DRAXIN: variants seen among roughly 807,000 people sequenced by gnomAD.
DRAXIN encodes the protein dorsal inhibitory axon guidance protein.
Under a neutral mutation model 33.9 loss-of-function variants are expected in DRAXIN, and 27 were observed. That is an observed-to-expected ratio of 0.80 (90% CI 0.59 to 1.10). DRAXIN has a LOEUF of 1.10. Among genes scored for constraint, DRAXIN ranks in the 50% least tolerant of loss-of-function variants. DRAXIN has a pLI of 0.00. For missense variants in DRAXIN, 371 were observed against 460.8 expected (o/e 0.81, Z 1.78); for synonymous variants, 178 against 194.0 (o/e 0.92, Z 0.69).
At position 11,712,318 on chromosome 1, in the gene DRAXIN, C is replaced by T. The variant is rs535901872; in HGVS notation, c.758-22C>T. On this transcript the variant is annotated intron_variant, in intron 4 of 6. Transcript: ENST00000294485. ...TGCTCTGCTGGGCCCCAGCTTCTGA[C>T]GACAGATCTTCTTATCCCCAGAGAA... is the stretch of plus-strand genomic sequence containing the variant. 254 of 1,613,608 alleles carry T rather than the reference C, an allele frequency of 1.6e-4. 1 individual carries two copies. In the South Asian group the frequency reaches 2.7e-3, roughly 17 times the overall value.
chr1:11,717,176 G>A (rs1302732038), intron 6 of DRAXIN, among the ~76,000 whole-genome samples: 3 of 151,672 alleles, frequency 2.0e-5, no homozygotes, highest in African/African-American at 4.8e-5. Flanking sequence ...CCAGCTACTC[G>A]GGAGCCTGAG....
At chr1:11,697,380 A>T (rs1641209374) in intron 1 of DRAXIN, among the ~76,000 whole-genome samples, 1 of 152,258 alleles carries the variant, frequency 6.6e-6, no homozygotes, top group Non-Finnish European at 1.5e-5. Flanking sequence ...GACCCTCCCA[A>T]GGCCAGAGTT....
At chr1:11,709,656 G>T (rs1641445837) in intron 3 of DRAXIN, among the ~76,000 whole-genome samples, 191 bp downstream of exon 3, 1 of 152,174 alleles carries the variant, frequency 6.6e-6, no homozygotes, top group Non-Finnish European at 1.5e-5. Flanking sequence ...TCCTGACAAG[G>T]GTCTGCCACT....
intron 6 of DRAXIN, among the ~76,000 whole-genome samples, chr1:11,719,250 T>C (rs115368556): frequency 0.01 from 1,526 of 152,316 alleles, 25 homozygotes; most frequent in African/African-American, 0.034. Context: ...GATGTATTAT[T>C]ATTACTAACT....
rs745943924 is a variant in DRAXIN, at chr1:11,715,212, G to A, written c.937+4G>A. On this transcript the variant is annotated splice_donor_region_variant and intron_variant, in intron 6 of 6. Transcript: ENST00000294485. ...GATGACTGCATGTGTGTGGAAGGTGGGTCCAGACTCCTTTGCGGGGGGCTA... is the reference window on the plus strand; with the variant it reads ...GATGACTGCATGTGTGTGGAAGGTGAGTCCAGACTCCTTTGCGGGGGGCTA... The A allele has an allele frequency of 1.1e-5, 17 of 1,614,112 alleles. No homozygotes were observed. The Admixed American group carries it at 2.2e-4, about 21-fold the overall frequency.
intron 6 of DRAXIN, among the ~76,000 whole-genome samples, chr1:11,717,974 C>T (rs1285541507): frequency 1.5e-5 from 2 of 130,616 alleles, no homozygotes; most frequent in Non-Finnish European, 3.1e-5. Context: ...GCACTCCAGT[C>T]CAGGCAACAG....
At position 11,706,499 on chromosome 1, in the gene DRAXIN, G is replaced by C; in HGVS notation, c.241G>C (p.Val81Leu). ...LPSQAQDGAV[V>L]TATRQASRLP... ...CAGCCAGGCCCAGGATGGGGCTGTG[G>C]TCACCGCCACCAGGCAGGCCTCCAG... Residue 81 changes from valine to leucine, a missense_variant, in exon 2 of 7, where the codon GTC becomes CTC. Val to Leu is a conservative substitution (Grantham distance 32, BLOSUM62 1). Transcript: ENST00000294485. The surrounding 1 kb of genome is among the most constrained non-coding windows in gnomAD (Gnocchi z 5.5). The C allele has an allele frequency of 6.2e-7, 1 of 1,611,612 alleles. No individual in the cohort carries two copies. The highest frequency in any genetic ancestry group is 1.1e-5 in the South Asian group (1 of 90,918).
chr1:11,711,864 G>A lies in DRAXIN; in HGVS notation c.656G>A (p.Arg219Lys). 6.2e-7 allele frequency: 1 copy of A among 1,613,276 alleles called. No homozygotes were observed. The highest frequency in any genetic ancestry group is 8.5e-7 in the Non-Finnish European group (1 of 1,179,638). ...TSLRPQQAQP[R>K]SDGEVMPTLD... is the part of the protein sequence containing the mutation. Reference sequence around the variant, plus strand: ...CACGGTCTCCAGCAGGCACAGCCCAGGTCTGACGGGGAGGTGATGCCCACG... The same window carrying A: ...CACGGTCTCCAGCAGGCACAGCCCAAGTCTGACGGGGAGGTGATGCCCACG... Residue 219 changes from arginine (R) to lysine (K), a missense_variant, in exon 4 of 7, where the codon AGG becomes AAG. Arg to Lys is a conservative substitution (Grantham distance 26, BLOSUM62 2). Coordinates refer to ENST00000294485, the MANE Select transcript of DRAXIN (RefSeq NM_198545.4).
chr1:11,688,712 C>T (rs1006902993), upstream of DRAXIN, among the ~76,000 whole-genome samples: 5 of 152,190 alleles, frequency 3.3e-5, no homozygotes, highest in African/African-American at 1.2e-4. The surrounding 1 kb of genome is among the most constrained non-coding windows in gnomAD (Gnocchi z 4.6). Context: ...CAGAGCAACC[C>T]CATCTTGAGT....
At chr1:11,711,691 G>T (rs191691925) in intron 3 of DRAXIN, among the ~76,000 whole-genome samples, 160 bp from the exon 4 acceptor site, 15 of 152,294 alleles carry the variant, frequency 9.8e-5, no homozygotes, top group African/African-American at 3.6e-4. Flanking sequence ...AGGAGCCTCC[G>T]GCAGCCATCT....
rs1448788206 is a variant in DRAXIN at position 11,692,876 on chromosome 1, C to G, written c.-11+1023C>G. On this transcript the variant is annotated intron_variant, in intron 1 of 6. Coordinates refer to ENST00000294485, the MANE Select transcript of DRAXIN (RefSeq NM_198545.4). This position sits in a 1 kb window ranked among gnomAD's most constrained non-coding sequence, Gnocchi z 5.8. ...GTCACAAAACAGGGATGGTGCTAGT[C>G]CCTACCTATAGGGATGTGTGTGGAA... 3.3e-5 allele frequency among the ~76,000 whole-genome samples: 5 copies of G among 152,026 alleles called. No individual in the cohort carries two copies. Among genetic ancestry groups the G allele is most frequent in the African/African-American group, 1.2e-4 (5 of 41,384 alleles).
rs912952674 is a variant in DRAXIN at position 11,704,623 on chromosome 1, G to T, written c.-10-1626G>T. On this transcript the variant is annotated intron_variant, in intron 1 of 6. Transcript: ENST00000294485. The surrounding 1 kb of genome is among the most constrained non-coding windows in gnomAD (Gnocchi z 4.6). Reference sequence around the variant, plus strand: ...CCAGGACAGTAGCAGGGACTGTGGTGCAGGGTCTGTGGCCTTAGGAATGGA... The same window carrying T: ...CCAGGACAGTAGCAGGGACTGTGGTTCAGGGTCTGTGGCCTTAGGAATGGA... 2.0e-5 allele frequency among the ~76,000 whole-genome samples: 3 copies of T among 152,206 alleles called. No homozygotes were observed. The highest frequency in any genetic ancestry group is 1.9e-4 in the East Asian group (1 of 5,200).
At position 11,692,609 on chromosome 1, in the gene DRAXIN, A is replaced by G. The variant is rs1490173073; in HGVS notation, c.-11+756A>G. On this transcript the variant is annotated intron_variant, in intron 1 of 6. Transcript: ENST00000294485. This position sits in a 1 kb window ranked among gnomAD's most constrained non-coding sequence, Gnocchi z 5.8. Reference sequence around the variant, plus strand: ...CTTCGGGGCCGGGGTATGAGATGAGAGAGGGCTGGGGTTTCCCGCCAAGTC... The same window carrying G: ...CTTCGGGGCCGGGGTATGAGATGAGGGAGGGCTGGGGTTTCCCGCCAAGTC... Among the ~76,000 whole-genome samples the G allele has an allele frequency of 6.6e-6, 1 of 152,082 alleles. No individual in the cohort carries two copies. The highest frequency in any genetic ancestry group is 1.5e-5 in the Non-Finnish European group (1 of 67,992).
chr1:11,709,092 C>G (rs1178140805), intron 2 of DRAXIN, among the ~76,000 whole-genome samples, 183 bp from the exon 3 acceptor site: 1 of 152,238 alleles, frequency 6.6e-6, no homozygotes, highest in Non-Finnish European at 1.5e-5. Context: ...AAGACATTTT[C>G]CTCCGAGTTC....
At chr1:11,710,682 A>C (rs1199185127) in intron 3 of DRAXIN, among the ~76,000 whole-genome samples, 1 of 149,498 alleles carries the variant, frequency 6.7e-6, no homozygotes, top group Non-Finnish European at 1.5e-5. Flanking sequence ...TGGGAGGCCA[A>C]GGCGGGCAGA....
At chr1:11,701,621 C>T (rs1641275131) in intron 1 of DRAXIN, among the ~76,000 whole-genome samples, 1 of 152,342 alleles carries the variant, frequency 6.6e-6, no homozygotes, top group East Asian at 1.9e-4. Flanking sequence ...CCCTCAGCAA[C>T]TCTGGTCCAG....
intron 1 of DRAXIN, among the ~76,000 whole-genome samples, chr1:11,693,901 C>A (rs2038131): frequency 0.24 from 35,785 of 152,086 alleles, 4,471 homozygotes; most frequent in East Asian, 0.37. Context: ...CTAGCCCTGT[C>A]CTGCCTGCCT....
In DRAXIN at chr1:11,724,871, CTG is replaced by C. The variant is rs1641716197; in HGVS notation, c.*5183_*5184del. ...TCTTCACTCTGACAGGCAATGGTGA[CTG>C]TGTGTGTTTCCTGGGGAGGAGGTTA... On this transcript the variant is annotated 3_prime_UTR_variant, in exon 7 of 7. Transcript: ENST00000294485. The C allele has an allele frequency of 1.3e-5, 2 of 152,234 alleles. No individual in the cohort carries two copies. Among genetic ancestry groups the C allele is most frequent in the African/African-American group, 4.8e-5 (2 of 41,426 alleles). The allele number at this position is 152,234 out of a possible 1,614,324, so 9.4% of individuals were successfully genotyped here.
chr1:11,716,125 T>C (rs1168248428), intron 6 of DRAXIN, among the ~76,000 whole-genome samples: 1 of 152,228 alleles, frequency 6.6e-6, no homozygotes, highest in Non-Finnish European at 1.5e-5. Flanking sequence ...TGTCTTGGCC[T>C]CCCAAAGTTC....
Sources: gnomAD v4.1 joint callset for allele counts (sites outside exome capture counted in the v4.1 genomes callset) on GRCh38, gnomAD v4.1.1 for gene constraint, Gnocchi (gnomAD v3.1) non-coding constraint, MANE v1.5 for transcripts, NCBI Gene and HGNC (gene_info 2026-07-23, HGNC 2026-07-21) for gene names.